The following SLC36A2 variants were observed in gnomAD, a reference collection of about 807,000 sequenced individuals.
SLC36A2 encodes the protein proton-coupled amino acid transporter 2.
In SLC36A2, 39 loss-of-function variants were observed where a neutral mutation model predicts 42.7. That is an observed-to-expected ratio of 0.91 (90% CI 0.71 to 1.19). The LOEUF (loss-of-function observed/expected upper bound fraction) is 1.19, where lower values mean the gene tolerates loss of function less well. Among genes scored for constraint, SLC36A2 ranks in the 50% most tolerant of loss-of-function variants. SLC36A2 has a pLI of 0.00. For synonymous variants in SLC36A2, 237 were observed against 240.8 expected (o/e 0.98, Z 0.15); for missense variants, 590 against 613.7 (o/e 0.96, Z 0.41).
chr5:151,328,540 T>G (rs1358641055), intron 7 of SLC36A2, among the ~76,000 whole-genome samples: 1 of 152,156 alleles, frequency 6.6e-6, no homozygotes, highest in African/African-American at 2.4e-5. Flanking sequence ...TTTTTCTGTT[T>G]CTTTGTTTTA....
rs147632406 is a variant in SLC36A2, at chr5:151,332,346, T to C, written c.843+878A>G. On this transcript the variant is annotated intron_variant, in intron 7 of 9. Transcript: ENST00000335244. ...AATTAAAAATAAGCAAAGGACTTGA[T>C]GTTTCTCCAAAGAAGATGTGCAAAT... is the stretch of plus-strand genomic sequence containing the variant. The C allele has an allele frequency of 3.3e-5, 15 of 451,804 alleles. No homozygotes were observed. The Admixed American group carries it at 3.6e-4, about 11-fold the overall frequency. 28.0% of individuals were successfully genotyped at this position (451,804 alleles called of 1,614,324 possible). A position where few individuals can be genotyped will look rare whatever the true frequency, so the allele number is the denominator to read the frequency against.
intron 7 of SLC36A2, chr5:151,332,305 A>G (rs1169495515): frequency 7.4e-6 from 3 of 405,632 alleles, no homozygotes; most frequent in South Asian, 1.8e-5. Context: ...AAACTCAACA[A>G]AAAGACAAAC....
chr5:151,339,036 C>T (rs749974979), intron 5 of SLC36A2, 24 bp downstream of exon 5: 42 of 1,569,350 alleles, frequency 2.7e-5, no homozygotes, highest in Non-Finnish European at 3.7e-5. Flanking sequence ...CTTTTCCCCT[C>T]CCGTTTTCTC....
At chr5:151,318,174 C>T (rs986803015) in intron 9 of SLC36A2, among the ~76,000 whole-genome samples, 2 of 152,078 alleles carry the variant, frequency 1.3e-5, no homozygotes, top group African/African-American at 2.4e-5. Flanking sequence ...TCTTTTTGTT[C>T]AGGCATTTTT....
At chr5:151,321,772 A>G in intron 9 of SLC36A2, 1 of 404,412 alleles carries the variant, frequency 2.5e-6, no homozygotes, top group Non-Finnish European at 4.7e-6. Context: ...TCTGCCCTAC[A>G]TGTTCAAGTG....
At chr5:151,343,694 G>A in intron 2 of SLC36A2, 96 bp from the exon 3 acceptor site, 1 of 1,068,044 alleles carries the variant, frequency 9.4e-7, no homozygotes. Flanking sequence ...ATATCATGCA[G>A]AACTCAAAGA....
At chr5:151,333,612 C>G (rs1024547567) in intron 6 of SLC36A2, among the ~76,000 whole-genome samples, 5 of 152,034 alleles carry the variant, frequency 3.3e-5, no homozygotes, top group Non-Finnish European at 7.4e-5. Flanking sequence ...ACCTGTAATC[C>G]CAGCACTTTG....
chr5:151,318,209 C>T (rs1471079552), intron 9 of SLC36A2, among the ~76,000 whole-genome samples: 7 of 151,810 alleles, frequency 4.6e-5, no homozygotes, highest in Non-Finnish European at 1.0e-4. Flanking sequence ...TTTATGCTAC[C>T]GAGGTGCATT....
At position 151,347,428 on chromosome 5, in the gene SLC36A2, C is replaced by T; in HGVS notation, c.33G>A (p.Gln11=). The change falls in exon 1 of 10, where the codon CAG becomes CAA. Residue 11 remains glutamine (Q), a synonymous_variant. Coordinates refer to ENST00000335244, the MANE Select transcript of SLC36A2 (RefSeq NM_181776.3). ...GGTCCAATTTGATGGCAACGGCTCCCTGGGGACCCTCAGTACTTTTTGTCA... is the reference window on the plus strand; with the variant it reads ...GGTCCAATTTGATGGCAACGGCTCCTTGGGGACCCTCAGTACTTTTTGTCA... MSVTKSTEGP[Q]GAVAIKLDLM... 6.2e-7 allele frequency: 1 copy of T among 1,614,164 alleles called. No homozygotes were observed. Among genetic ancestry groups the T allele is most frequent in the Non-Finnish European group, 8.5e-7 (1 of 1,180,036 alleles).
intron 9 of SLC36A2, among the ~76,000 whole-genome samples, chr5:151,318,889 C>T (rs1007307711): frequency 2.6e-5 from 4 of 152,160 alleles, no homozygotes; most frequent in East Asian, 1.9e-4. Context: ...TGGGCTTTTA[C>T]ATTTTTTATT....
At chr5:151,330,551 G>T (rs1172907138) in intron 7 of SLC36A2, among the ~76,000 whole-genome samples, 1 of 152,184 alleles carries the variant, frequency 6.6e-6, no homozygotes, top group African/African-American at 2.4e-5. Context: ...TGTTAATGAA[G>T]GTTCTTCATG....
chr5:151,322,793 G>C (rs1490195180), intron 8 of SLC36A2, among the ~76,000 whole-genome samples: 1 of 152,320 alleles, frequency 6.6e-6, no homozygotes, highest in South Asian at 2.1e-4. Flanking sequence ...GGAGAAACAG[G>C]GGTACTTGCC....
chr5:151,343,513 T>C lies in SLC36A2; in HGVS notation c.341A>G (p.Lys114Arg). ...ILVKCAQRFCKRLNKPFMDYG... is the reference protein window; with the variant it reads ...ILVKCAQRFCRRLNKPFMDYG... ...ACAAGGAGGCTGTTTTCCTCACCTC[T>C]TACAGAAGCGCTGGGCACACTTGAC... The change falls in exon 3 of 10, where the codon AAG (lysine) becomes AGG (arginine). Residue 114 changes from lysine (K) to arginine (R), a missense_variant. Lys to Arg is a conservative substitution (Grantham distance 26). Coordinates refer to ENST00000335244, the MANE Select transcript of SLC36A2 (RefSeq NM_181776.3). The C allele has an allele frequency of 1.9e-6, 3 of 1,614,142 alleles. No individual in the cohort carries two copies. The highest frequency in any genetic ancestry group is 2.5e-6 in the Non-Finnish European group (3 of 1,180,010).
intron 7 of SLC36A2, chr5:151,332,445 A>C: frequency 2.2e-6 from 1 of 456,090 alleles, no homozygotes; most frequent in Non-Finnish European, 4.4e-6. Context: ...ATCATTCATG[A>C]TTGTCAAAAA....
At chr5:151,317,212 G>A in intron 9 of SLC36A2, 124 bp from the exon 10 acceptor site, 2 of 1,304,338 alleles carry the variant, frequency 1.5e-6, no homozygotes, top group Non-Finnish European at 2.1e-6. Context: ...AGCACTTTGG[G>A]AGGCCTAGAT....
At position 151,315,822 on chromosome 5, in the gene SLC36A2, A is replaced by G. The variant is rs1755475741; in HGVS notation, c.*995T>C. The G allele has an allele frequency of 6.6e-6, 1 of 152,238 alleles. No homozygotes were observed. The highest frequency in any genetic ancestry group is 1.5e-5 in the Non-Finnish European group (1 of 68,046). 9.4% of individuals were successfully genotyped at this position (152,238 alleles called of 1,614,324 possible). A position where few individuals can be genotyped will look rare whatever the true frequency, so the allele number is the denominator to read the frequency against. Reference sequence around the variant, plus strand: ...AAGAATGCATGTTGCAAGAATTAAGAGGTAAAGTCTATTCAAATAATATTC... The same window carrying G: ...AAGAATGCATGTTGCAAGAATTAAGGGGTAAAGTCTATTCAAATAATATTC... On this transcript the variant is annotated 3_prime_UTR_variant, in exon 10 of 10. Transcript: ENST00000335244.
At chr5:151,346,289 G>A (rs1002424803) in intron 1 of SLC36A2, among the ~76,000 whole-genome samples, 1 of 152,002 alleles carries the variant, frequency 6.6e-6, no homozygotes, top group African/African-American at 2.4e-5. Flanking sequence ...CTAGCCCTGG[G>A]GCGACAGCAC....
chr5:151,328,974 T>C (rs1383932546), intron 7 of SLC36A2, among the ~76,000 whole-genome samples: 1 of 152,156 alleles, frequency 6.6e-6, no homozygotes, highest in Non-Finnish European at 1.5e-5. Context: ...TGTAGGAGGC[T>C]AAAAGCCTAG....
intron 5 of SLC36A2, among the ~76,000 whole-genome samples, chr5:151,335,795 G>A (rs1334621173): frequency 3.3e-5 from 5 of 152,212 alleles, no homozygotes; most frequent in Middle Eastern, 3.4e-3. Flanking sequence ...TTGGGAGGCC[G>A]AGGCAGGTGG....
Sources: gnomAD v4.1 joint callset for allele counts (sites outside exome capture counted in the v4.1 genomes callset) on GRCh38, gnomAD v4.1.1 for gene constraint, MANE v1.5 for transcripts, NCBI Gene and HGNC (gene_info 2026-07-23, HGNC 2026-07-21) for gene names.